Variants in ABHD17C observed in about 807,000 individuals in gnomAD.
The protein encoded by ABHD17C is alpha/beta hydrolase domain-containing protein 17C.
A neutral mutation model predicts 27.9 loss-of-function variants in ABHD17C; 11 were observed. That is an observed-to-expected ratio of 0.39 (90% confidence interval 0.25 to 0.65). ABHD17C has a LOEUF of 0.65. Ranked by LOEUF, ABHD17C falls within the 30% of genes least tolerant of loss-of-function variation. The pLI is 0.45. For missense variants in ABHD17C, 280 were observed against 470.2 expected (o/e 0.60, Z 3.74); for synonymous variants, 233 against 209.1 (o/e 1.11, Z -0.98).
chr15:80,743,191 G>A (rs887426843), intron 1 of ABHD17C, among the ~76,000 whole-genome samples: 2 of 152,162 alleles, frequency 1.3e-5, no homozygotes, highest in Non-Finnish European at 2.9e-5. Flanking sequence ...AGAATCTGGC[G>A]CTCAAGTGGA....
intron 1 of ABHD17C, among the ~76,000 whole-genome samples, chr15:80,697,497 A>G (rs1177495738): frequency 6.6e-6 from 1 of 152,254 alleles, no homozygotes; most frequent in Non-Finnish European, 1.5e-5. Flanking sequence ...AAGAGTTTCC[A>G]TAGAACATTG....
chr15:80,712,997 G>C (rs1336597046), intron 1 of ABHD17C, among the ~76,000 whole-genome samples: 3 of 151,812 alleles, frequency 2.0e-5, no homozygotes, highest in Non-Finnish European at 2.9e-5. Context: ...CTCATCACCT[G>C]CAGCAACTAT....
intron 1 of ABHD17C, among the ~76,000 whole-genome samples, chr15:80,705,362 T>TGTGTGTGTGTGTGTGTGTGTGTGTGG (rs776574776): frequency 1.2e-3 from 176 of 150,716 alleles, no homozygotes; most frequent in East Asian, 9.1e-3. Flanking sequence ...TGTGTGTGTG[T>TGTGTGTGTGTGTGTGTGTGTGTGTGG]GTGTGGTTAG....
At chr15:80,716,035 A>G (rs1419676601) in intron 1 of ABHD17C, among the ~76,000 whole-genome samples, 3 of 152,286 alleles carry the variant, frequency 2.0e-5, no homozygotes, top group Middle Eastern at 3.4e-3. Context: ...GCAACATTTT[A>G]TTCCTGATTA....
intron 1 of ABHD17C, among the ~76,000 whole-genome samples, chr15:80,728,636 T>A (rs1447990710): frequency 6.6e-6 from 1 of 152,238 alleles, no homozygotes; most frequent in Non-Finnish European, 1.5e-5. Flanking sequence ...CCTCACTTTC[T>A]TTAGTACATC....
chr15:80,707,996 C>T (rs1894671466), intron 1 of ABHD17C, among the ~76,000 whole-genome samples: 1 of 152,174 alleles, frequency 6.6e-6, no homozygotes, highest in South Asian at 2.1e-4. Context: ...GCAAGGGTTC[C>T]AGCTGCCTCT....
rs917882715 is a variant in ABHD17C, at chr15:80,712,554, A to T, written c.590+16535A>T. ...GAGCAGCCTCACCTGTCTATGGGTGAGGTCCAAGAAGTGTAACAGAAGTGC... is the reference window on the plus strand; with the variant it reads ...GAGCAGCCTCACCTGTCTATGGGTGTGGTCCAAGAAGTGTAACAGAAGTGC... On this transcript the variant is annotated intron_variant, in intron 1 of 2. Transcript: ENST00000258884. 2.8e-4 allele frequency among the ~76,000 whole-genome samples: 43 copies of T among 152,354 alleles called. 1 individual carries two copies. Among genetic ancestry groups the T allele is most frequent in the African/African-American group, 5.3e-4 (22 of 41,580 alleles).
intron 1 of ABHD17C, among the ~76,000 whole-genome samples, chr15:80,725,835 T>C (rs981791314): frequency 6.6e-6 from 1 of 151,962 alleles, no homozygotes; most frequent in African/African-American, 2.4e-5. Flanking sequence ...TTTGTTTGTT[T>C]GTTTGTTTAT....
intron 1 of ABHD17C, 55 bp from the exon 2 acceptor site, chr15:80,749,458 C>G (rs1895338106): frequency 1.3e-6 from 2 of 1,572,626 alleles, no homozygotes; most frequent in African/African-American, 1.4e-5. Context: ...TTCTCTGTCC[C>G]TTTCTCTCTT....
In ABHD17C at chr15:80,728,630, A is replaced by C. The variant is rs557052713; in HGVS notation, c.591-20883A>C. Among the ~76,000 whole-genome samples the C allele has an allele frequency of 2.6e-5, 4 of 152,346 alleles. No homozygotes were observed. The East Asian group carries it at 7.7e-4, about 29-fold the overall frequency. On this transcript the variant is annotated intron_variant, in intron 1 of 2. Transcript: ENST00000258884. ...TTGTGGGCTCAGAGTCCTTGACCTC[A>C]CTTTCTTTAGTACATCTAAGTCGAT...
At chr15:80,721,005 G>A (rs760133732) in intron 1 of ABHD17C, among the ~76,000 whole-genome samples, 3 of 151,688 alleles carry the variant, frequency 2.0e-5, no homozygotes, top group African/African-American at 7.3e-5. Flanking sequence ...TGGTCTCAGA[G>A]ATTTTCTTTA....
intron 1 of ABHD17C, among the ~76,000 whole-genome samples, chr15:80,723,771 G>A (rs970917295): frequency 2.6e-5 from 4 of 152,290 alleles, no homozygotes; most frequent in Admixed American, 6.5e-5. Flanking sequence ...GCTGCTTTGC[G>A]TGGCCGATGG....
chr15:80,703,976 A>G (rs894560165), intron 1 of ABHD17C, among the ~76,000 whole-genome samples: 3 of 152,232 alleles, frequency 2.0e-5, no homozygotes. Context: ...ATAATAAAAT[A>G]GAACAATTGT....
At chr15:80,733,967 A>T (rs200586149) in intron 1 of ABHD17C, among the ~76,000 whole-genome samples, 1 of 6,460 alleles carries the variant, frequency 1.5e-4, no homozygotes, top group Admixed American at 2.4e-3. Flanking sequence ...TTTATTATTT[A>T]TTTATTTATT....
At chr15:80,709,154 A>G (rs538834588) in intron 1 of ABHD17C, among the ~76,000 whole-genome samples, 177 of 151,874 alleles carry the variant, frequency 1.2e-3, no homozygotes, top group African/African-American at 4.1e-3. Context: ...TTTTATAAAT[A>G]TATGTATATA....
At chr15:80,717,271 A>AAAAAAAC (rs10644616) in intron 1 of ABHD17C, among the ~76,000 whole-genome samples, 1 of 145,262 alleles carries the variant, frequency 6.9e-6, no homozygotes, top group Non-Finnish European at 1.5e-5. Context: ...AAAAAAAAAA[A>AAAAAAAC]GAGTTTTGGC....
Position 80,696,110 on chromosome 15 carries a change from AGGG to A in ABHD17C, c.590+93_590+95del. The stretch of plus-strand genomic sequence containing the variant: ...GGCCCCTGGGGCGGCCTGCCAGGAG[AGGG>A]GCCCCTCCTCCGGGGCTGAGGGCCA... On this transcript the variant is annotated intron_variant, in intron 1 of 2. Transcript: ENST00000258884. The A allele has an allele frequency of 1.2e-5, 16 of 1,331,666 alleles. No individual in the cohort carries two copies. The South Asian group carries it at 2.1e-4, about 18-fold the overall frequency. 82.5% of individuals were successfully genotyped at this position (1,331,666 alleles called of 1,614,324 possible).
chr15:80,697,578 G>T (rs936408217), intron 1 of ABHD17C, among the ~76,000 whole-genome samples: 3 of 151,994 alleles, frequency 2.0e-5, no homozygotes, highest in African/African-American at 7.2e-5. Flanking sequence ...CAAATATACA[G>T]GTGTGTCTGT....
At chr15:80,713,931 CACACACACAT>C (rs964594320) in intron 1 of ABHD17C, among the ~76,000 whole-genome samples, 14 of 149,800 alleles carry the variant, frequency 9.3e-5, no homozygotes, top group African/African-American at 3.5e-4. Context: ...CACACACACA[CACACACACAT>C]ATATTTATTT....
Sources: gnomAD v4.1 joint callset for allele counts (sites outside exome capture counted in the v4.1 genomes callset) on GRCh38, gnomAD v4.1.1 for gene constraint, MANE v1.5 for transcripts, NCBI Gene and HGNC (gene_info 2026-07-23, HGNC 2026-07-21) for gene names.